Variants in SGCZ observed in about 807,000 individuals in gnomAD.
The protein encoded by SGCZ is sarcoglycan zeta.
Under a neutral mutation model 41.3 loss-of-function variants are expected in SGCZ, and 40 were observed. The observed-to-expected ratio is 0.97, with a 90% CI of 0.75 to 1.26. SGCZ has a LOEUF of 1.26. SGCZ is among the 50% of genes most tolerant of loss of function. The pLI is 0.00. For synonymous variants in SGCZ, 206 were observed against 137.5 expected (o/e 1.50, Z -3.49); for missense variants, 552 against 369.8 (o/e 1.49, Z -4.04).
intron 2 of SGCZ, among the ~76,000 whole-genome samples, chr8:14,331,691 A>G (rs1447842985): frequency 6.6e-6 from 1 of 152,060 alleles, no homozygotes. Flanking sequence ...GTTCTTTGCC[A>G]ATAGTTGTTC....
intron 4 of SGCZ, among the ~76,000 whole-genome samples, chr8:14,210,182 C>G (rs1479519742): frequency 1.3e-5 from 2 of 152,018 alleles, no homozygotes; most frequent in Non-Finnish European, 2.9e-5. Context: ...CTCAGCCTCC[C>G]AAGTAGCTGG....
At chr8:14,957,902 G>C (rs553818002) in intron 1 of SGCZ, among the ~76,000 whole-genome samples, 1 of 152,012 alleles carries the variant, frequency 6.6e-6, no homozygotes, top group East Asian at 1.9e-4. Flanking sequence ...CTAAGAGAAT[G>C]ACAACAAGAC....
intron 4 of SGCZ, among the ~76,000 whole-genome samples, chr8:14,232,475 T>C (rs1316977425): frequency 1.3e-5 from 2 of 152,088 alleles, no homozygotes; most frequent in Non-Finnish European, 2.9e-5. Context: ...CTTATTAACA[T>C]ATAGTCAGGC....
At chr8:14,727,004 A>G (rs1376832618) in intron 1 of SGCZ, among the ~76,000 whole-genome samples, 1 of 152,190 alleles carries the variant, frequency 6.6e-6, no homozygotes, top group Non-Finnish European at 1.5e-5. Flanking sequence ...AAAAGACACC[A>G]CTGAGATGTT....
chr8:14,909,700 C>G (rs939584559), intron 1 of SGCZ, among the ~76,000 whole-genome samples: 14 of 152,076 alleles, frequency 9.2e-5, no homozygotes. Flanking sequence ...TAACCAATAA[C>G]TCAGCCTGGT....
intron 1 of SGCZ, among the ~76,000 whole-genome samples, chr8:14,939,069 C>A (rs1478510020): frequency 6.6e-6 from 1 of 152,136 alleles, no homozygotes; most frequent in Non-Finnish European, 1.5e-5. Flanking sequence ...CCTCACTTAG[C>A]AAACTCATTA....
chr8:15,096,898 G>C (rs926616201), intron 1 of SGCZ, among the ~76,000 whole-genome samples: 1 of 151,986 alleles, frequency 6.6e-6, no homozygotes, highest in Non-Finnish European at 1.5e-5. Context: ...TGTTAGCCAG[G>C]ATAGTCTTGA....
intron 1 of SGCZ, among the ~76,000 whole-genome samples, chr8:15,106,101 C>A (rs1806813951): frequency 6.6e-6 from 1 of 152,092 alleles, no homozygotes; most frequent in African/African-American, 2.4e-5. Flanking sequence ...CATTCCTATT[C>A]CTTTTATTAC....
At chr8:14,984,177 C>A (rs1182656950) in intron 1 of SGCZ, among the ~76,000 whole-genome samples, 2 of 152,190 alleles carry the variant, frequency 1.3e-5, no homozygotes, top group Non-Finnish European at 2.9e-5. Context: ...CCCAGAGCCA[C>A]TACTGTTTTA....
Position 14,749,720 on chromosome 8 carries a change from G to GT in SGCZ, c.40-194795dup, listed in dbSNP as rs35508634. On this transcript the variant is annotated intron_variant, in intron 1 of 7. Coordinates refer to ENST00000382080, the MANE Select transcript of SGCZ (RefSeq NM_139167.4). ...ATACAAAATAACTCAAATGCAGTAA[G>GT]TTTTTTTTTAAATCAGTCAGGATTC... 5.2e-4 allele frequency among the ~76,000 whole-genome samples: 79 copies of GT among 151,718 alleles called. No homozygotes were observed. The South Asian group carries it at 0.01, about 20-fold the overall frequency.
intron 1 of SGCZ, among the ~76,000 whole-genome samples, chr8:15,120,035 G>C (rs956851651): frequency 1.3e-5 from 2 of 152,010 alleles, no homozygotes; most frequent in Non-Finnish European, 2.9e-5. Context: ...TGTTTTCCAG[G>C]AGTCTTGCTA....
chr8:15,172,152 C>CTTTTTTTTTTTTT (rs1799851364), intron 1 of SGCZ, among the ~76,000 whole-genome samples: 1 of 70,558 alleles, frequency 1.4e-5, no homozygotes, highest in Admixed American at 1.8e-4. Flanking sequence ...CTTTTATACT[C>CTTTTTTTTTTTTT]TGTTTTTTTT....
intron 2 of SGCZ, among the ~76,000 whole-genome samples, chr8:14,414,793 A>G (rs764448957): frequency 2.0e-5 from 3 of 151,966 alleles, no homozygotes; most frequent in Non-Finnish European, 4.4e-5. Flanking sequence ...AAATAAAGCC[A>G]TATGTTAGTA....
intron 2 of SGCZ, among the ~76,000 whole-genome samples, chr8:14,455,720 T>C (rs978860159): frequency 6.6e-6 from 1 of 152,112 alleles, no homozygotes; most frequent in East Asian, 1.9e-4. Context: ...CTTAGGAAAG[T>C]GGTTGAATAA....
intron 1 of SGCZ, among the ~76,000 whole-genome samples, chr8:14,888,090 A>G (rs1193122803): frequency 6.6e-6 from 1 of 152,160 alleles, no homozygotes; most frequent in African/African-American, 2.4e-5. Flanking sequence ...AATATATATA[A>G]TTTGTCAAGA....
intron 4 of SGCZ, among the ~76,000 whole-genome samples, chr8:14,229,939 A>G (rs1456665151): frequency 1.3e-5 from 2 of 152,176 alleles, no homozygotes; most frequent in Non-Finnish European, 2.9e-5. Flanking sequence ...TGTGGATTAA[A>G]TTTCATTGAA....
At chr8:14,489,866 C>G (rs184560080) in intron 2 of SGCZ, among the ~76,000 whole-genome samples, 3,334 of 137,526 alleles carry the variant, frequency 0.024, 59 homozygotes, top group Non-Finnish European at 0.038. Flanking sequence ...AATTCTCCTA[C>G]CTTTTTTTTT....
rs147976256 is a variant in SGCZ at position 14,704,573 on chromosome 8, C to G, written c.40-149647G>C. On this transcript the variant is annotated intron_variant, in intron 1 of 7. Coordinates refer to ENST00000382080, the MANE Select transcript of SGCZ (RefSeq NM_139167.4). ...AAGTCAGATAGAAATGAAATTAACA[C>G]CAGGTCATGTGGTAGCTGTGACTGT... is the stretch of plus-strand genomic sequence containing the variant. Among the ~76,000 whole-genome samples the G allele has an allele frequency of 1.6e-3, 239 of 152,000 alleles. 3 individuals are homozygous for G. Among genetic ancestry groups the G allele is most frequent in the African/African-American group, 5.6e-3 (232 of 41,502 alleles).
chr8:14,918,253 A>G (rs1234719836), intron 1 of SGCZ, among the ~76,000 whole-genome samples: 2 of 152,140 alleles, frequency 1.3e-5, no homozygotes, highest in East Asian at 1.9e-4. Context: ...CAGAGTATCT[A>G]TATTACCATG....
Sources: allele counts gnomAD v4.1 joint callset (sites outside exome capture counted in the v4.1 genomes callset), GRCh38; gene constraint gnomAD v4.1.1; transcripts MANE v1.5; gene names NCBI Gene and HGNC (gene_info 2026-07-23, HGNC 2026-07-21).